The following ADAMTS3 variants were observed in gnomAD, a reference collection of about 807,000 sequenced individuals.
ADAMTS3 encodes the protein A disintegrin and metalloproteinase with thrombospondin motifs 3.
ADAMTS3 carries 73 observed loss-of-function variants against 129.0 expected under a neutral mutation model. The observed-to-expected ratio is 0.57, with a 90% CI of 0.47 to 0.69. The LOEUF is 0.69. ADAMTS3 is among the 30% of genes least tolerant of loss of function. ADAMTS3 has a pLI of 0.00. For missense variants in ADAMTS3, 1,457 were observed against 1,514.5 expected (o/e 0.96, Z 0.63); for synonymous variants, 477 against 510.8 (o/e 0.93, Z 0.89).
At chr4:72,421,548 A>T (rs1282497556) in intron 3 of ADAMTS3, among the ~76,000 whole-genome samples, 2 of 152,218 alleles carry the variant, frequency 1.3e-5, no homozygotes, top group East Asian at 3.9e-4. Context: ...GAAGAGTGTC[A>T]TGGGCACCTA....
At chr4:72,417,158 T>C (rs1444132236) in intron 3 of ADAMTS3, among the ~76,000 whole-genome samples, 1 of 152,174 alleles carries the variant, frequency 6.6e-6, no homozygotes, top group Admixed American at 6.5e-5. Context: ...CCACTAACAT[T>C]TCCTTAGTTA....
chr4:72,537,726 C>A (rs1297580380), intron 3 of ADAMTS3, among the ~76,000 whole-genome samples: 1 of 152,000 alleles, frequency 6.6e-6, no homozygotes, highest in African/African-American at 2.4e-5. Context: ...CCAAATATCA[C>A]AAGGAGCACA....
At chr4:72,310,603 T>C (rs1285093082) in intron 14 of ADAMTS3, among the ~76,000 whole-genome samples, 1 of 152,134 alleles carries the variant, frequency 6.6e-6, no homozygotes, top group Non-Finnish European at 1.5e-5. Context: ...TTTGTTCTAA[T>C]GTGAAATTTA....
chr4:72,440,137 G>C (rs1230151573), intron 3 of ADAMTS3, among the ~76,000 whole-genome samples: 1 of 151,656 alleles, frequency 6.6e-6, no homozygotes, highest in Non-Finnish European at 1.5e-5. Context: ...TAAAAAAATG[G>C]TGACAATTAT....
intron 4 of ADAMTS3, among the ~76,000 whole-genome samples, chr4:72,349,369 A>G (rs1003286041): frequency 2.6e-5 from 4 of 152,044 alleles, no homozygotes; most frequent in Admixed American, 2.6e-4. Flanking sequence ...GGATACAACC[A>G]TCGTTAAAAC....
intron 2 of ADAMTS3, among the ~76,000 whole-genome samples, chr4:72,554,317 G>T (rs1284205939): frequency 1.3e-5 from 2 of 151,986 alleles, no homozygotes; most frequent in Non-Finnish European, 2.9e-5. Flanking sequence ...TTTTCCTAGT[G>T]GTTTCCAAAC....
chr4:72,400,813 T>C (rs1261746945), intron 4 of ADAMTS3, among the ~76,000 whole-genome samples: 1 of 150,326 alleles, frequency 6.7e-6, no homozygotes, highest in Non-Finnish European at 1.5e-5. Context: ...TGTATGTGTG[T>C]ATAGATATAC....
chr4:72,327,149 T>A lies in ADAMTS3; in HGVS notation c.862-4052A>T, dbSNP rs150276311. The stretch of plus-strand genomic sequence containing the variant: ...ATTATTTAGACTTTTTAAAATGTCA[T>A]CTGATTACAAAATTACATAGGCATA... On this transcript the variant is annotated intron_variant, in intron 5 of 21. Transcript: ENST00000286657. Among the ~76,000 whole-genome samples, 122 of 152,286 alleles carry A rather than the reference T, an allele frequency of 8.0e-4. No homozygotes were observed. In the East Asian group the frequency reaches 0.02, roughly 25 times the overall value.
rs1295124153 is a variant in ADAMTS3, at chr4:72,314,286, AC to A, written c.1600-465del. ...CTAAAACATATGCAGCTTTCAAAGC[AC>A]TTTTATTTAACTTTTAAAATGTTTC... On this transcript the variant is annotated intron_variant, in intron 11 of 21. Transcript: ENST00000286657. Among the ~76,000 whole-genome samples the A allele has an allele frequency of 3.9e-5, 6 of 152,234 alleles. No homozygotes were observed. The East Asian group carries it at 1.2e-3, about 29-fold the overall frequency.
chr4:72,392,819 G>A (rs916703673), intron 4 of ADAMTS3, among the ~76,000 whole-genome samples: 17 of 151,880 alleles, frequency 1.1e-4, no homozygotes, highest in African/African-American at 3.1e-4. Flanking sequence ...ATTGGAAATA[G>A]CTGACTTTTA....
At position 72,313,715 on chromosome 4, in the gene ADAMTS3, A is replaced by G; in HGVS notation, c.1707T>C (p.Thr569=). 3 of 1,613,786 alleles carry G rather than the reference A, an allele frequency of 1.9e-6. No individual in the cohort carries two copies. The highest frequency in any genetic ancestry group is 1.1e-5 in the South Asian group (1 of 91,082). Residue 569 remains threonine (T), a synonymous_variant, in exon 12 of 22, where the codon ACT becomes ACC. Coordinates refer to ENST00000286657, the MANE Select transcript of ADAMTS3 (RefSeq NM_014243.3). ...KFGSCSRTCG[T]GVRFRTRQCN... is the part of the protein sequence containing the mutation. ...ACTGGCGTGTTCTGAAACGAACACC[A>G]GTTCCACATGTCCGAGAACAGGAGC...
At chr4:72,369,643 G>A (rs1024437268) in intron 4 of ADAMTS3, among the ~76,000 whole-genome samples, 8 of 151,840 alleles carry the variant, frequency 5.3e-5, no homozygotes, top group Admixed American at 3.3e-4. Flanking sequence ...CCTGGTAGGC[G>A]GAGGTTGCAG....
chr4:72,531,572 G>A (rs1377842408), intron 3 of ADAMTS3, among the ~76,000 whole-genome samples: 4 of 152,248 alleles, frequency 2.6e-5, no homozygotes, highest in Middle Eastern at 3.4e-3. Context: ...GTACGTGGCT[G>A]GCTCATGGGA....
intron 4 of ADAMTS3, among the ~76,000 whole-genome samples, chr4:72,370,018 C>A (rs1307513213): frequency 6.6e-6 from 1 of 152,158 alleles, no homozygotes; most frequent in East Asian, 1.9e-4. Context: ...CTTCATCCAG[C>A]GTTGTTTCTG....
intron 3 of ADAMTS3, among the ~76,000 whole-genome samples, chr4:72,455,810 T>C (rs777354495): frequency 6.5e-4 from 88 of 136,232 alleles, no homozygotes; most frequent in Non-Finnish European, 1.2e-3. Flanking sequence ...TTTGTGTCTA[T>C]ATATTTTACA....
At chr4:72,566,187 T>C (rs1722016340) in intron 2 of ADAMTS3, among the ~76,000 whole-genome samples, 1 of 152,134 alleles carries the variant, frequency 6.6e-6, no homozygotes, top group Admixed American at 6.5e-5. Context: ...GCTTGGGAAA[T>C]ACATCCAACA....
At chr4:72,407,244 T>C (rs1722073534) in intron 4 of ADAMTS3, among the ~76,000 whole-genome samples, 1 of 152,100 alleles carries the variant, frequency 6.6e-6, no homozygotes, top group South Asian at 2.1e-4. Flanking sequence ...CCCTATATGT[T>C]ATCCAAAAGT....
At chr4:72,462,619 C>T (rs1158171155) in intron 3 of ADAMTS3, among the ~76,000 whole-genome samples, 2 of 151,608 alleles carry the variant, frequency 1.3e-5, no homozygotes, top group East Asian at 1.9e-4. Context: ...CCATGTAGGC[C>T]GAGGCTAGTG....
In ADAMTS3 at chr4:72,547,839, G is replaced by A. The variant is rs1578784714; in HGVS notation, c.504+639C>T. ...TCCTAAACACTTAGCCTGACTATTG[G>A]TATTTGTCTTGTCACAAACCTGAGT... On this transcript the variant is annotated intron_variant, in intron 3 of 21. Coordinates refer to ENST00000286657, the MANE Select transcript of ADAMTS3 (RefSeq NM_014243.3). 2.6e-5 allele frequency among the ~76,000 whole-genome samples: 4 copies of A among 152,210 alleles called. 1 individual carries two copies. Among genetic ancestry groups the A allele is most frequent in the Admixed American group, 2.6e-4 (4 of 15,278 alleles).
Sources: allele counts gnomAD v4.1 joint callset (sites outside exome capture counted in the v4.1 genomes callset), GRCh38; gene constraint gnomAD v4.1.1; transcripts MANE v1.5; gene names NCBI Gene and HGNC (gene_info 2026-07-23, HGNC 2026-07-21).